CD109: variants seen among roughly 807,000 people sequenced by gnomAD.
CD109 encodes the protein CD109 molecule, also known as CD109 antigen.
Under a neutral mutation model 165.8 loss-of-function variants are expected in CD109, and 149 were observed. The observed-to-expected ratio is 0.90, with a 90% CI of 0.79 to 1.03. CD109 has a LOEUF of 1.03. Among genes scored for constraint, CD109 ranks in the 50% least tolerant of loss-of-function variants. CD109 has a pLI of 0.00. For missense variants in CD109, 1,712 were observed against 1,677.8 expected, an observed-to-expected ratio of 1.02 and a Z score of -0.36; for synonymous variants, 585 against 592.1, an observed-to-expected ratio of 0.99 and a Z score of 0.18.
intron 2 of CD109, among the ~76,000 whole-genome samples, chr6:73,700,277 G>A (rs1000394772): frequency 2.0e-5 from 3 of 151,738 alleles, no homozygotes. Flanking sequence ...GTAGAGATGG[G>A]GTCTTGCTAT....
intron 22 of CD109, among the ~76,000 whole-genome samples, chr6:73,792,179 A>G (rs1774993460): frequency 6.6e-6 from 1 of 152,210 alleles, no homozygotes; most frequent in Non-Finnish European, 1.5e-5. Flanking sequence ...AAACACTACA[A>G]TCCTCATTGT....
Position 73,705,107 on chromosome 6 carries a change from A to G in CD109, c.247+7535A>G, listed in dbSNP as rs1771217588. On this transcript the variant is annotated intron_variant, in intron 2 of 32. Transcript: ENST00000287097. ...ATGAAAAGGAGATAGGGGTTTGTGTATATATTTTCTAAAAAGATGTTTCAT... is the reference window on the plus strand; with the variant it reads ...ATGAAAAGGAGATAGGGGTTTGTGTGTATATTTTCTAAAAAGATGTTTCAT... Among the ~76,000 whole-genome samples the G allele has an allele frequency of 5.3e-5, 8 of 152,176 alleles. No individual in the cohort carries two copies. The South Asian group carries it at 1.7e-3, about 31-fold the overall frequency.
At chr6:73,778,076 G>A (rs1774326934) in intron 15 of CD109, among the ~76,000 whole-genome samples, 1 of 152,090 alleles carries the variant, frequency 6.6e-6, no homozygotes, top group South Asian at 2.1e-4. Context: ...GTTCATCTAT[G>A]ATTTCTTTGA....
At chr6:73,778,801 G>GT (rs1274058949) in intron 15 of CD109, among the ~76,000 whole-genome samples, 4 of 150,786 alleles carry the variant, frequency 2.7e-5, no homozygotes, top group Middle Eastern at 3.2e-3. Context: ...TTTCAACTTA[G>GT]TTTTTTTTGT....
chr6:73,730,253 G>A (rs973726264), intron 3 of CD109, 91 bp from the exon 4 acceptor site: 1 of 806,560 alleles, frequency 1.2e-6, no homozygotes, highest in Non-Finnish European at 2.1e-6. Flanking sequence ...TGATAATACT[G>A]TGTATTTACT....
At chr6:73,771,402 G>A (rs1774028305) in intron 14 of CD109, 27 bp from the exon 15 acceptor site, 5 of 1,578,038 alleles carry the variant, frequency 3.2e-6, no homozygotes, top group Non-Finnish European at 3.4e-6. Context: ...AGTGAAATAA[G>A]TTAATCCTCC....
chr6:73,786,335 T>C (rs2150257542), intron 20 of CD109, among the ~76,000 whole-genome samples: 1 of 152,338 alleles, frequency 6.6e-6, no homozygotes, highest in East Asian at 1.9e-4. Flanking sequence ...TTAACTTTAT[T>C]ACATGGATGA....
chr6:73,688,302 C>T, the CD109 span, among the ~76,000 whole-genome samples: 2 of 152,130 alleles, frequency 1.3e-5, no homozygotes, highest in Non-Finnish European at 2.9e-5. Context: ...TCTTAAAACT[C>T]TTGTAGTTTC....
rs201089860 is a variant in CD109 at position 73,697,508 on chromosome 6, G to A, written c.183G>A (p.Glu61=). The stretch of plus-strand genomic sequence containing the variant: ...CTTCACAGGTGACTGTGAAGGCGGA[G>A]CTGCTCAAGACAGCATCAAACCTCA... ...HCPSQVTVKA[E]LLKTASNLTV... is the part of the protein sequence containing the mutation. The change falls in exon 2 of 33, where the codon GAG becomes GAA. Residue 61 remains glutamate, a synonymous_variant. Coordinates refer to ENST00000287097, the MANE Select transcript of CD109 (RefSeq NM_133493.5). The A allele has an allele frequency of 2.3e-5, 37 of 1,614,174 alleles. No individual in the cohort carries two copies. The highest frequency in any genetic ancestry group is 1.0e-4 in the Admixed American group (6 of 60,024).
chr6:73,805,788 C>T (rs998323890), intron 24 of CD109, among the ~76,000 whole-genome samples: 3 of 152,142 alleles, frequency 2.0e-5, no homozygotes, highest in African/African-American at 7.2e-5. Flanking sequence ...TAACAAGGCA[C>T]ATCTTACACA....
intron 5 of CD109, among the ~76,000 whole-genome samples, chr6:73,744,752 G>A (rs1026347863): frequency 1.5e-4 from 23 of 152,166 alleles, no homozygotes; most frequent in Non-Finnish European, 2.5e-4. Flanking sequence ...ACCCTAGGAG[G>A]ACCCCTCCTT....
intron 2 of CD109, among the ~76,000 whole-genome samples, chr6:73,716,453 C>T (rs1771748830): frequency 6.6e-6 from 1 of 152,142 alleles, no homozygotes; most frequent in South Asian, 2.1e-4. Context: ...TACTGCCTGT[C>T]TTTTGGATAA....
chr6:73,723,034 C>A, intron 2 of CD109: 1 of 717,192 alleles, frequency 1.4e-6, no homozygotes, highest in Non-Finnish European at 1.7e-6. Context: ...GGTTTGCCCA[C>A]TGATACCCTT....
At chr6:73,735,171 G>C (rs1007757215) in intron 4 of CD109, among the ~76,000 whole-genome samples, 15 of 152,332 alleles carry the variant, frequency 9.8e-5, no homozygotes, top group Non-Finnish European at 2.1e-4. Flanking sequence ...AGTAGTATTA[G>C]TAAGGGCCTT....
Position 73,812,402 on chromosome 6 carries a change from A to C in CD109, c.3768+132A>C, listed in dbSNP as rs1213752896. On this transcript the variant is annotated intron_variant, in intron 29 of 32. Transcript: ENST00000287097. The stretch of plus-strand genomic sequence containing the variant: ...TTTACATCTGTGACTTAAGCAAGAT[A>C]TATCACTGTCTTTAATAAAAAGTAT... 18 of 590,808 alleles carry C rather than the reference A, an allele frequency of 3.0e-5. No individual in the cohort carries two copies. The East Asian group carries it at 5.2e-4, about 17-fold the overall frequency. 36.6% of individuals were successfully genotyped at this position (590,808 alleles called of 1,614,324 possible).
chr6:73,721,714 T>C (rs913529757), intron 2 of CD109, among the ~76,000 whole-genome samples: 23 of 151,792 alleles, frequency 1.5e-4, no homozygotes, highest in African/African-American at 5.3e-4. Flanking sequence ...GAAGTTAAAG[T>C]GTTTCTCTTT....
rs1776215921 is a variant in CD109 at position 73,824,609 on chromosome 6, A to T, written c.*976A>T. On this transcript the variant is annotated 3_prime_UTR_variant, in exon 33 of 33. Coordinates refer to ENST00000287097, the MANE Select transcript of CD109 (RefSeq NM_133493.5). ...GACTGCTGACCTAAAGATCCCTGGC[A>T]TTGGCCAGGGATCCTGTGGAACCTC... 2 of 152,190 alleles carry T rather than the reference A, an allele frequency of 1.3e-5. No homozygotes were observed. Among genetic ancestry groups the T allele is most frequent in the Admixed American group, 1.3e-4 (2 of 15,282 alleles). 9.4% of individuals were successfully genotyped at this position (152,190 alleles called of 1,614,324 possible).
chr6:73,739,502 G>A (rs1225409752), intron 5 of CD109, among the ~76,000 whole-genome samples: 1 of 151,728 alleles, frequency 6.6e-6, no homozygotes, highest in Non-Finnish European at 1.5e-5. Context: ...TTTACTTTTC[G>A]GTGGCAGTCA....
chr6:73,785,594 C>A, intron 20 of CD109, 117 bp downstream of exon 20: 1 of 564,556 alleles, frequency 1.8e-6, no homozygotes, highest in South Asian at 2.5e-5. Flanking sequence ...TTATACATTT[C>A]TGGGAGGCTG....
Sources: allele counts gnomAD v4.1 joint callset (sites outside exome capture counted in the v4.1 genomes callset), GRCh38; gene constraint gnomAD v4.1.1; transcripts MANE v1.5; gene names NCBI Gene and HGNC (gene_info 2026-07-23, HGNC 2026-07-21).